The following USP13 variants were observed in gnomAD, a reference collection of about 807,000 sequenced individuals.
USP13 encodes the protein ubiquitin specific peptidase 13.
USP13 carries 68 observed loss-of-function variants against 107.8 expected under a neutral mutation model. The ratio of observed to expected loss-of-function variants is 0.63; its 90% CI spans 0.52 to 0.77. The LOEUF (loss-of-function observed/expected upper bound fraction) is 0.77, where lower values mean the gene tolerates loss of function less well. USP13 is among the 30% of genes least tolerant of loss of function. The pLI, the probability that USP13 is intolerant of heterozygous loss-of-function variation, is 0.00. For synonymous variants in USP13, 377 were observed against 389.5 expected (o/e 0.97, Z 0.38); for missense variants, 945 against 1,093.3 (o/e 0.86, Z 1.91).
chr3:179,654,639 A>G (rs1041570840), intron 1 of USP13, among the ~76,000 whole-genome samples: 2 of 152,198 alleles, frequency 1.3e-5, no homozygotes, highest in African/African-American at 4.8e-5. Flanking sequence ...ATCTCAATGC[A>G]TTGGGAGGCG....
chr3:179,728,222 A>G (rs4632541), intron 8 of USP13, among the ~76,000 whole-genome samples: 97,844 of 142,144 alleles, frequency 0.69, 33,883 homozygotes, highest in Admixed American at 0.75. Context: ...CCTCCCTGCC[A>G]GACGAGGTGG....
rs189716095 is a variant in USP13, at chr3:179,687,624, A to C, written c.295-2617A>C. On this transcript the variant is annotated intron_variant, in intron 2 of 20. Transcript: ENST00000263966. ...CGGTAAGCCAAGATCATGCCATTGC[A>C]CTCCAGCCTGGGCAACAAGAGTGAA... is the stretch of plus-strand genomic sequence containing the variant. Among the ~76,000 whole-genome samples the C allele has an allele frequency of 2.2e-3, 299 of 138,034 alleles. 2 individuals carry two copies. The highest frequency in any genetic ancestry group is 7.8e-3 in the African/African-American group (288 of 36,762). The allele number at this position is 138,034 out of a possible 152,430, so 90.6% of individuals were successfully genotyped here. A position where few individuals can be genotyped will look rare whatever the true frequency, so the allele number is the denominator to read the frequency against.
At chr3:179,750,470 A>G (rs564621367) in intron 13 of USP13, among the ~76,000 whole-genome samples, 29 of 151,736 alleles carry the variant, frequency 1.9e-4, no homozygotes, top group Admixed American at 1.7e-3. Context: ...AATTAGAGAT[A>G]ATATATAATT....
intron 15 of USP13, among the ~76,000 whole-genome samples, chr3:179,756,163 A>T (rs1212303193): frequency 6.6e-6 from 1 of 152,152 alleles, no homozygotes; most frequent in African/African-American, 2.4e-5. Flanking sequence ...GGTGGCTCAC[A>T]TGTATAATCC....
Position 179,740,869 on chromosome 3 carries a change from C to T in USP13, c.1380+497C>T, listed in dbSNP as rs143741243. ...GCAACCTCTGCCTCCTGGGTTCAAG[C>T]AATTCTACTGCCTCAGCCTCCTGAG... On this transcript the variant is annotated intron_variant, in intron 11 of 20. Transcript: ENST00000263966. Among the ~76,000 whole-genome samples the T allele has an allele frequency of 5.8e-3, 874 of 150,606 alleles. 12 individuals carry two copies. Among genetic ancestry groups the T allele is most frequent in the African/African-American group, 0.02 (838 of 40,948 alleles).
rs61750381 is a variant in USP13, at chr3:179,742,209, G to A, written c.1393G>A (p.Gly465Ser). The A allele has an allele frequency of 4.3e-6, 7 of 1,614,164 alleles. No homozygotes were observed. The highest frequency in any genetic ancestry group is 1.6e-4 in the Middle Eastern group (1 of 6,062). Residue 465 changes from glycine to serine, a missense_variant, in exon 12 of 21, where the codon GGC (glycine) becomes AGC (serine). Gly to Ser is a moderately conservative substitution (Grantham distance 56). Coordinates refer to ENST00000263966, the MANE Select transcript of USP13 (RefSeq NM_003940.3). This position sits in a 1 kb window ranked among gnomAD's most constrained non-coding sequence, Gnocchi z 5.0. ...LVNLVERNRI[G>S]SENPSDVFRF... The stretch of plus-strand genomic sequence containing the variant: ...ATCCATCCTTCAGAGGAACCGCATC[G>A]GCTCAGAAAACCCAAGCGATGTTTT...
At position 179,788,738 on chromosome 3, in the gene USP13, A is replaced by G. The variant is rs1715980026; in HGVS notation, c.*4597A>G. 1 of 152,154 alleles carries G rather than the reference A, an allele frequency of 6.6e-6. No individual in the cohort carries two copies. The highest frequency in any genetic ancestry group is 6.5e-5 in the Admixed American group (1 of 15,274). The allele number at this position is 152,154 out of a possible 1,614,324, so 9.4% of individuals were successfully genotyped here. ...GTGGATAACGTTATACTTCTATTGG[A>G]CAGCCCCACTCTAGACTTACATGGT... On this transcript the variant is annotated 3_prime_UTR_variant, in exon 21 of 21. Coordinates refer to ENST00000263966, the MANE Select transcript of USP13 (RefSeq NM_003940.3).
chr3:179,777,056 G>A (rs866738290), intron 19 of USP13, among the ~76,000 whole-genome samples: 3 of 152,046 alleles, frequency 2.0e-5, no homozygotes, highest in South Asian at 2.1e-4. Flanking sequence ...GCAGGAGGTC[G>A]TGAATAATGC....
At chr3:179,762,010 A>G (rs1715029286) in intron 17 of USP13, among the ~76,000 whole-genome samples, 1 of 152,184 alleles carries the variant, frequency 6.6e-6, no homozygotes, top group African/African-American at 2.4e-5. Flanking sequence ...CAGTTGTGTA[A>G]CCATTACCAC....
At chr3:179,777,275 G>A (rs201448629) in intron 19 of USP13, among the ~76,000 whole-genome samples, 1 of 151,926 alleles carries the variant, frequency 6.6e-6, no homozygotes, top group African/African-American at 2.4e-5. Flanking sequence ...TGTCTGTTTT[G>A]TCAACCCATT....
intron 16 of USP13, among the ~76,000 whole-genome samples, chr3:179,758,321 G>T: frequency 6.6e-6 from 1 of 152,084 alleles, no homozygotes; most frequent in Non-Finnish European, 1.5e-5. Context: ...GAAGTGATGG[G>T]CATTTGGAAT....
intron 12 of USP13, among the ~76,000 whole-genome samples, chr3:179,744,466 G>C (rs558648578): frequency 1.3e-5 from 2 of 151,346 alleles, no homozygotes; most frequent in East Asian, 3.9e-4. Flanking sequence ...GGCAAAAATT[G>C]ATCCCCTTAC....
chr3:179,694,759 C>G lies in USP13; in HGVS notation c.355+4458C>G, dbSNP rs575552395. Among the ~76,000 whole-genome samples, 8 of 144,564 alleles carry G rather than the reference C, an allele frequency of 5.5e-5. No homozygotes were observed. The South Asian group carries it at 1.3e-3, about 24-fold the overall frequency. The allele number at this position is 144,564 out of a possible 152,430, so 94.8% of individuals were successfully genotyped here. A position where few individuals can be genotyped will look rare whatever the true frequency, so the allele number is the denominator to read the frequency against. ...GAGGTTGCAGTGAGCTGAGATCGCA[C>G]CATTGCACTCCAGCCTGGGCAAAGA... On this transcript the variant is annotated intron_variant, in intron 3 of 20. Transcript: ENST00000263966.
At chr3:179,725,460 T>C (rs958636034) in intron 8 of USP13, among the ~76,000 whole-genome samples, 5 of 152,346 alleles carry the variant, frequency 3.3e-5, no homozygotes, top group East Asian at 1.9e-4. Flanking sequence ...GTCCTTTGAA[T>C]GGGACTGGCC....
chr3:179,786,875 C>A lies in USP13; in HGVS notation c.*2734C>A, dbSNP rs146223250. On this transcript the variant is annotated 3_prime_UTR_variant, in exon 21 of 21. Transcript: ENST00000263966. The stretch of plus-strand genomic sequence containing the variant: ...CTGTGTGAAAGACAGCACTTTCTTC[C>A]TGTAAATATCTTTTGATATCCATTT... 3 of 152,288 alleles carry A rather than the reference C, an allele frequency of 2.0e-5. No individual in the cohort carries two copies. Among genetic ancestry groups the A allele is most frequent in the Non-Finnish European group, 4.4e-5 (3 of 68,026 alleles). The allele number at this position is 152,288 out of a possible 1,614,324, so 9.4% of individuals were successfully genotyped here.
rs567649071 is a variant in USP13, at chr3:179,752,292, C to T, written c.1717C>T (p.Arg573Cys). The change falls in exon 14 of 21, where the codon CGC becomes TGC. Residue 573 changes from arginine (R) to cysteine (C), a missense_variant. Arg to Cys is a radical substitution (Grantham distance 180). Transcript: ENST00000263966. The part of the protein sequence containing the change: ...QAKSAGVKTS[R>C]FASFPEYLVV... Reference sequence around the variant, plus strand: ...TCCCCTTGTGTTTCCCAGAACATCTCGCTTTGCTTCATTCCCTGAATACTT... The same window carrying T: ...TCCCCTTGTGTTTCCCAGAACATCTTGCTTTGCTTCATTCCCTGAATACTT... 9.3e-6 allele frequency: 15 copies of T among 1,613,732 alleles called. No homozygotes were observed. Among genetic ancestry groups the T allele is most frequent in the African/African-American group, 6.7e-5 (5 of 74,924 alleles).
intron 19 of USP13, among the ~76,000 whole-genome samples, chr3:179,767,623 A>G (rs1715219906): frequency 6.6e-6 from 1 of 151,938 alleles, no homozygotes; most frequent in Admixed American, 6.6e-5. Context: ...TATCAAGTTG[A>G]TCTTGCAATA....
chr3:179,752,989 A>G (rs1714664470), intron 14 of USP13, among the ~76,000 whole-genome samples: 1 of 152,222 alleles, frequency 6.6e-6, no homozygotes, highest in African/African-American at 2.4e-5. Flanking sequence ...GACCATTGTT[A>G]GAGGTTAATT....
chr3:179,736,658 A>T (rs1221053557), intron 10 of USP13, among the ~76,000 whole-genome samples: 3 of 152,248 alleles, frequency 2.0e-5, no homozygotes, highest in Non-Finnish European at 4.4e-5. Context: ...AAGTTGGTTA[A>T]GGAAAACGAA....
Sources: gnomAD v4.1 joint callset for allele counts (sites outside exome capture counted in the v4.1 genomes callset) on GRCh38, gnomAD v4.1.1 for gene constraint, Gnocchi (gnomAD v3.1) non-coding constraint, MANE v1.5 for transcripts, NCBI Gene and HGNC (gene_info 2026-07-23, HGNC 2026-07-21) for gene names.